The following MIS18BP1 variants were observed in gnomAD, a reference collection of about 807,000 sequenced individuals.
MIS18BP1 encodes mis18-binding protein 1.
MIS18BP1 carries 72 observed loss-of-function variants against 116.1 expected under a neutral mutation model. That is an observed-to-expected ratio of 0.62 (90% confidence interval 0.51 to 0.75). MIS18BP1 has a LOEUF of 0.75. Ranked by LOEUF, MIS18BP1 falls within the 30% of genes least tolerant of loss-of-function variation. MIS18BP1 has a pLI of 0.00. For missense variants in MIS18BP1, 1,363 were observed against 1,303.2 expected, an observed-to-expected ratio of 1.05 and a Z score of -0.71; for synonymous variants, 386 against 427.0, an observed-to-expected ratio of 0.90 and a Z score of 1.18.
Position 45,232,310 on chromosome 14 carries a change from G to A in MIS18BP1, c.1436+423C>T, listed in dbSNP as rs145312388. On this transcript the variant is annotated intron_variant, in intron 7 of 16. Transcript: ENST00000310806. ...CGGGCGCCTGTAGTCCCAGCTACTC[G>A]GGAGGCTGAGGCAGGAGAATGGCGT... Among the ~76,000 whole-genome samples the A allele has an allele frequency of 4.5e-3, 686 of 151,478 alleles. 22 individuals are homozygous for A. The East Asian group carries it at 0.048, about 11-fold the overall frequency.
rs761405101 is a variant in MIS18BP1 at position 45,224,497 on chromosome 14, C to G, written c.2090G>C (p.Gly697Ala). Residue 697 changes from glycine to alanine, a missense_variant, in exon 11 of 17, where the codon GGG (glycine) becomes GCG (alanine). Coordinates refer to ENST00000310806, the MANE Select transcript of MIS18BP1 (RefSeq NM_018353.5). ...QKKSPISKSMGTLENTFEGHK... is the reference protein window; with the variant it reads ...QKKSPISKSMATLENTFEGHK... ...ACCTTCAAATGTATTTTCTAAAGTCCCCATGGACTTGCTGATGGGACTTTT... is the reference window on the plus strand; with the variant it reads ...ACCTTCAAATGTATTTTCTAAAGTCGCCATGGACTTGCTGATGGGACTTTT... 14 of 1,612,726 alleles carry G rather than the reference C, an allele frequency of 8.7e-6. No individual in the cohort carries two copies. Among genetic ancestry groups the G allele is most frequent in the Non-Finnish European group, 1.2e-5 (14 of 1,179,756 alleles).
chr14:45,248,902 G>A (rs1387264711), intron 1 of MIS18BP1, among the ~76,000 whole-genome samples: 1 of 151,872 alleles, frequency 6.6e-6, no homozygotes, highest in African/African-American at 2.4e-5. Context: ...AATATTAGCC[G>A]TTCACTTCAT....
chr14:45,213,522 G>A (rs906769152), intron 13 of MIS18BP1, among the ~76,000 whole-genome samples: 2 of 152,200 alleles, frequency 1.3e-5, no homozygotes, highest in African/African-American at 2.4e-5. Flanking sequence ...AATGTTTTCT[G>A]TAAATAATCA....
chr14:45,208,610 G>A (rs1890591252), intron 14 of MIS18BP1, among the ~76,000 whole-genome samples: 1 of 152,096 alleles, frequency 6.6e-6, no homozygotes, highest in African/African-American at 2.4e-5. Flanking sequence ...GGGATTACAG[G>A]TGTGAGCTAC....
At chr14:45,214,328 A>G (rs955797164) in intron 13 of MIS18BP1, among the ~76,000 whole-genome samples, 1 of 152,218 alleles carries the variant, frequency 6.6e-6, no homozygotes, top group Non-Finnish European at 1.5e-5. Flanking sequence ...GCTAGTGGCA[A>G]TACTGCTCTT....
intron 13 of MIS18BP1, among the ~76,000 whole-genome samples, chr14:45,210,817 G>A (rs1479928135): frequency 3.3e-5 from 5 of 152,084 alleles, no homozygotes; most frequent in Non-Finnish European, 7.4e-5. Flanking sequence ...TGGTGTTATC[G>A]TAAACACATA....
chr14:45,251,178 C>T (rs1891864504), intron 1 of MIS18BP1, among the ~76,000 whole-genome samples: 1 of 151,410 alleles, frequency 6.6e-6, no homozygotes, highest in African/African-American at 2.4e-5. Context: ...TTTACTGTAC[C>T]TTTTCTATAT....
chr14:45,204,354 C>G (rs1435903456), intron 16 of MIS18BP1, 45 bp downstream of exon 16: 1 of 1,571,768 alleles, frequency 6.4e-7, no homozygotes, highest in East Asian at 2.3e-5. Context: ...AAGAACCTAC[C>G]TTATAATAGA....
intron 1 of MIS18BP1, among the ~76,000 whole-genome samples, chr14:45,247,738 T>C (rs1031996658): frequency 3.9e-5 from 6 of 152,062 alleles, no homozygotes; most frequent in Non-Finnish European, 7.4e-5. Flanking sequence ...ATAAAAGATA[T>C]ATGCATATGG....
At chr14:45,245,109 A>G (rs1258887512) in intron 2 of MIS18BP1, among the ~76,000 whole-genome samples, 1 of 152,172 alleles carries the variant, frequency 6.6e-6, no homozygotes, top group East Asian at 1.9e-4. Context: ...CTCTTGTCAC[A>G]TTATCTCTTG....
intron 2 of MIS18BP1, 39 bp from the exon 3 acceptor site, chr14:45,242,913 G>A: frequency 7.4e-7 from 1 of 1,350,778 alleles, no homozygotes; most frequent in Non-Finnish European, 1.0e-6. Context: ...AAGTTGAATT[G>A]TATTAGTCAC....
At chr14:45,245,851 C>T (rs1393082843) in intron 2 of MIS18BP1, among the ~76,000 whole-genome samples, 3 of 152,232 alleles carry the variant, frequency 2.0e-5, no homozygotes, top group African/African-American at 7.2e-5. Flanking sequence ...TAAATTCCAA[C>T]TAGTTTTTTC....
chr14:45,203,862 A>C lies in MIS18BP1; in HGVS notation c.*247T>G, dbSNP rs953494666. 3 of 224,674 alleles carry C rather than the reference A, an allele frequency of 1.3e-5. No individual in the cohort carries two copies. The highest frequency in any genetic ancestry group is 1.1e-4 in the Admixed American group (2 of 17,504). The allele number at this position is 224,674 out of a possible 1,614,324, so 13.9% of individuals were successfully genotyped here. A position where few individuals can be genotyped will look rare whatever the true frequency, so the allele number is the denominator to read the frequency against. On this transcript the variant is annotated 3_prime_UTR_variant, in exon 17 of 17. Coordinates refer to ENST00000310806, the MANE Select transcript of MIS18BP1 (RefSeq NM_018353.5). ...TTGGATGCTTATTAAAAAATTATCT[A>C]TATATATTTTAATATGCAAAAACAA...
Position 45,247,210 on chromosome 14 carries a change from A to G in MIS18BP1, c.77T>C (p.Met26Thr), listed in dbSNP as rs1891747343. ...EASSQRRNLP[M>T]DAIFFDSIPS... The stretch of plus-strand genomic sequence containing the variant: ...AATGCTGTCAAAAAAGATTGCATCC[A>G]TGGGTAGATTTCTCCTTTGAGAAGA... Residue 26 changes from methionine (M) to threonine (T), a missense_variant, in exon 2 of 17, where the codon ATG (methionine) becomes ACG (threonine). Met to Thr is a moderately conservative substitution (Grantham distance 81). Coordinates refer to ENST00000310806, the MANE Select transcript of MIS18BP1 (RefSeq NM_018353.5). The G allele has an allele frequency of 1.2e-6, 2 of 1,612,556 alleles. No individual in the cohort carries two copies. The highest frequency in any genetic ancestry group is 3.3e-5 in the Admixed American group (2 of 59,886).
At chr14:45,238,110 T>G (rs970402266) in intron 4 of MIS18BP1, among the ~76,000 whole-genome samples, 3 of 142,498 alleles carry the variant, frequency 2.1e-5, no homozygotes, top group African/African-American at 7.3e-5. Context: ...CTTAAAAAAT[T>G]AAGAGTTTTT....
chr14:45,232,913 C>T, intron 6 of MIS18BP1, 93 bp from the exon 7 acceptor site: 1 of 654,170 alleles, frequency 1.5e-6, no homozygotes, highest in Non-Finnish European at 2.7e-6. Context: ...GAAATATGCA[C>T]CTATTGCTTA....
intron 13 of MIS18BP1, among the ~76,000 whole-genome samples, chr14:45,214,258 G>A (rs1300882030): frequency 6.6e-6 from 1 of 152,194 alleles, no homozygotes; most frequent in Non-Finnish European, 1.5e-5. Context: ...TGTAAAACCC[G>A]ACTGTATGTT....
intron 10 of MIS18BP1, among the ~76,000 whole-genome samples, chr14:45,225,401 GGAGT>G (rs1399550992): frequency 1.3e-5 from 2 of 151,130 alleles, no homozygotes; most frequent in Admixed American, 1.3e-4. Flanking sequence ...TTTTTTTGCT[GGAGT>G]TAGTACAGAG....
chr14:45,227,696 A>T lies in MIS18BP1; in HGVS notation c.1713T>A (p.Ile571=), dbSNP rs918290954. The change falls in exon 9 of 17, where the codon ATT becomes ATA. Residue 571 remains isoleucine, a synonymous_variant. Transcript: ENST00000310806. Reference sequence around the variant, plus strand: ...ATAAGTCATCTCCTCCTCCATTTTGAATAGTATTATTTACTTGGTCATCTG... The same window carrying T: ...ATAAGTCATCTCCTCCTCCATTTTGTATAGTATTATTTACTTGGTCATCTG... ...RFPDDQVNNT[I]QNGGGDDLSN... 3.1e-6 allele frequency: 5 copies of T among 1,613,582 alleles called. No individual in the cohort carries two copies. The African/African-American group carries it at 5.3e-5, about 17-fold the overall frequency.
Sources: allele counts gnomAD v4.1 joint callset (sites outside exome capture counted in the v4.1 genomes callset), GRCh38; gene constraint gnomAD v4.1.1; transcripts MANE v1.5; gene names NCBI Gene and HGNC (gene_info 2026-07-23, HGNC 2026-07-21).